The following SLC24A2 variants were observed in gnomAD, a reference collection of about 807,000 sequenced individuals.
The protein encoded by SLC24A2 is solute carrier family 24 member 2, also known as sodium/potassium/calcium exchanger 2.
Under a neutral mutation model 62.0 loss-of-function variants are expected in SLC24A2, and 36 were observed. That is an observed-to-expected ratio of 0.58 (90% CI 0.44 to 0.77). The LOEUF (loss-of-function observed/expected upper bound fraction) is 0.77, where lower values mean the gene tolerates loss of function less well. SLC24A2 is among the 30% of genes least tolerant of loss of function. The probability of loss-of-function intolerance (pLI) is 0.00; values close to 1 mark genes in which losing one functional copy is unlikely to be tolerated. For synonymous variants in SLC24A2, 358 were observed against 294.0 expected (o/e 1.22, Z -2.23); for missense variants, 846 against 817.9 (o/e 1.03, Z -0.42).
chr9:19,597,700 T>C (rs1386288281), intron 4 of SLC24A2, among the ~76,000 whole-genome samples: 1 of 152,180 alleles, frequency 6.6e-6, no homozygotes, highest in Non-Finnish European at 1.5e-5. Flanking sequence ...GAACAGCAGT[T>C]CAAGAAGTTT....
chr9:20,289,423 G>C, the SLC24A2 span, among the ~76,000 whole-genome samples: 1 of 152,140 alleles, frequency 6.6e-6, no homozygotes, highest in Non-Finnish European at 1.5e-5. Flanking sequence ...CAAGACAAGG[G>C]TTACCGGAGT....
intron 2 of SLC24A2, among the ~76,000 whole-genome samples, chr9:19,703,891 T>C (rs550305639): frequency 6.6e-6 from 1 of 152,316 alleles, no homozygotes; most frequent in Non-Finnish European, 1.5e-5. Context: ...CTTCAAAATA[T>C]GTATGACTCA....
chr9:19,983,537 GGAGGCT>G, the SLC24A2 span, among the ~76,000 whole-genome samples: 1 of 152,276 alleles, frequency 6.6e-6, no homozygotes, highest in East Asian at 1.9e-4. Flanking sequence ...CAGCTGCTCG[GGAGGCT>G]GAGGCAGGAG....
At chr9:20,042,647 C>A in the SLC24A2 span, among the ~76,000 whole-genome samples, 1 of 152,172 alleles carries the variant, frequency 6.6e-6, no homozygotes, top group Admixed American at 6.5e-5. Context: ...TGCAGGCATA[C>A]CTCCTTTTAT....
chr9:20,290,459 G>A, the SLC24A2 span, among the ~76,000 whole-genome samples: 1 of 152,252 alleles, frequency 6.6e-6, no homozygotes, highest in Non-Finnish European at 1.5e-5. Context: ...GCCTTGGCCA[G>A]CTTCTCTAAG....
chr9:20,259,288 C>T, the SLC24A2 span, among the ~76,000 whole-genome samples: 4 of 152,194 alleles, frequency 2.6e-5, no homozygotes, highest in Non-Finnish European at 4.4e-5. Flanking sequence ...TTATTTTAAG[C>T]CACACAATTT....
rs184449085 is a variant in SLC24A2, at chr9:19,641,618, G to A, written c.931-19319C>T. ...CAACCTCCGCCTCCTGGGTTCAAGC[G>A]ATTCTCCTGCCTCAGTCTCCCAAGT... On this transcript the variant is annotated intron_variant, in intron 2 of 10. Transcript: ENST00000341998. 1.6e-3 allele frequency among the ~76,000 whole-genome samples: 239 copies of A among 151,618 alleles called. 1 individual carries two copies. Among genetic ancestry groups the A allele is most frequent in the African/African-American group, 5.6e-3 (233 of 41,370 alleles).
chr9:19,943,439 C>T, the SLC24A2 span, among the ~76,000 whole-genome samples: 1 of 152,076 alleles, frequency 6.6e-6, no homozygotes, highest in Non-Finnish European at 1.5e-5. Flanking sequence ...TATTTATTTT[C>T]ATTATATTTC....
chr9:19,884,032 A>G, the SLC24A2 span, among the ~76,000 whole-genome samples: 79 of 152,254 alleles, frequency 5.2e-4, no homozygotes, highest in African/African-American at 1.8e-3. Context: ...AATGGCTTTA[A>G]ATATCAACTA....
intron 5 of SLC24A2, among the ~76,000 whole-genome samples, chr9:19,593,718 A>G (rs1836623500): frequency 6.6e-6 from 1 of 151,952 alleles, no homozygotes; most frequent in Non-Finnish European, 1.5e-5. Flanking sequence ...TCCACTCCCC[A>G]TCTTGTACAA....
At chr9:20,109,404 C>G in the SLC24A2 span, among the ~76,000 whole-genome samples, 1 of 152,216 alleles carries the variant, frequency 6.6e-6, no homozygotes, top group East Asian at 1.9e-4. Context: ...ACGACCCTAA[C>G]TGACAAGAGT....
the SLC24A2 span, among the ~76,000 whole-genome samples, chr9:20,225,426 A>G: frequency 6.7e-6 from 1 of 150,096 alleles, no homozygotes; most frequent in African/African-American, 2.5e-5. Flanking sequence ...CAAAGGGGAT[A>G]TGCAGGAATT....
chr9:19,762,793 C>CTTTTTTTTTTT lies in SLC24A2; in HGVS notation c.930+23133_930+23143dup, dbSNP rs58241037. Among the ~76,000 whole-genome samples the CTTTTTTTTTTT allele has an allele frequency of 4.9e-5, 5 of 102,394 alleles. 2 individuals carry two copies. Among genetic ancestry groups the CTTTTTTTTTTT allele is most frequent in the Non-Finnish European group, 2.0e-5 (1 of 50,134 alleles). 67.2% of individuals were successfully genotyped at this position (102,394 alleles called of 152,430 possible). A position where few individuals can be genotyped will look rare whatever the true frequency, so the allele number is the denominator to read the frequency against. ...CTTAGGATTGTCTTGGCTATATGTG[C>CTTTTTTTTTTT]TTTTTTTTTTTTTTTTTTGGTTCCA... is the stretch of plus-strand genomic sequence containing the variant. On this transcript the variant is annotated intron_variant, in intron 2 of 10. Transcript: ENST00000341998.
chr9:19,904,587 G>A, the SLC24A2 span, among the ~76,000 whole-genome samples: 2 of 152,144 alleles, frequency 1.3e-5, no homozygotes, highest in Admixed American at 6.5e-5. Flanking sequence ...TAAAATGATC[G>A]TTGCATTTGG....
At chr9:20,263,722 C>T in the SLC24A2 span, among the ~76,000 whole-genome samples, 1 of 152,054 alleles carries the variant, frequency 6.6e-6, no homozygotes, top group East Asian at 1.9e-4. Context: ...ACTAACTTTA[C>T]CCTATAGTAT....
the SLC24A2 span, among the ~76,000 whole-genome samples, chr9:20,125,017 A>G: frequency 1.3e-5 from 2 of 152,290 alleles, no homozygotes; most frequent in South Asian, 2.1e-4. Flanking sequence ...ACAGGCAACT[A>G]CCTTAACTTC....
the SLC24A2 span, among the ~76,000 whole-genome samples, chr9:19,947,808 A>AAAAAAGAAAGAAAG: frequency 3.4e-5 from 2 of 59,224 alleles, no homozygotes; most frequent in Non-Finnish European, 3.1e-5. Flanking sequence ...AAAAAAAAAA[A>AAAAAAGAAAGAAAG]AAAGAAAGAA....
rs192516748 is a variant in SLC24A2 at position 19,774,284 on chromosome 9, T to C, written c.930+11653A>G. ...ATTCATACCCTCCCTATGAGGAAAA[T>C]GCTATTACTTTAAAAATTTATGGAT... On this transcript the variant is annotated intron_variant, in intron 2 of 10. Transcript: ENST00000341998. 9.2e-5 allele frequency among the ~76,000 whole-genome samples: 14 copies of C among 152,202 alleles called. No individual in the cohort carries two copies. In the East Asian group the frequency reaches 2.7e-3, roughly 29 times the overall value.
At chr9:20,061,272 T>C in the SLC24A2 span, among the ~76,000 whole-genome samples, 1 of 151,386 alleles carries the variant, frequency 6.6e-6, no homozygotes, top group Non-Finnish European at 1.5e-5. Flanking sequence ...ATATGTCTTA[T>C]GTTTATGGTC....
Sources: allele counts gnomAD v4.1 joint callset (sites outside exome capture counted in the v4.1 genomes callset), GRCh38; gene constraint gnomAD v4.1.1; transcripts MANE v1.5; gene names NCBI Gene and HGNC (gene_info 2026-07-23, HGNC 2026-07-21).